ODAD4: variants seen among roughly 807,000 people sequenced by gnomAD.
ODAD4 encodes outer dynein arm docking complex subunit 4.
A neutral mutation model predicts 51.8 loss-of-function variants in ODAD4; 49 were observed. The observed-to-expected ratio is 0.95, with a 90% CI of 0.75 to 1.20. ODAD4 has a LOEUF of 1.20. Ranked by LOEUF, ODAD4 falls within the 50% of genes most tolerant of loss-of-function variation. The pLI is 0.00. For missense variants in ODAD4, 590 were observed against 586.5 expected (o/e 1.01, Z -0.06); for synonymous variants, 235 against 221.3 (o/e 1.06, Z -0.55).
intron 11 of ODAD4, among the ~76,000 whole-genome samples, chr17:41,961,695 T>A (rs1359593234): frequency 6.6e-6 from 1 of 152,138 alleles, no homozygotes; most frequent in Non-Finnish European, 1.5e-5. Flanking sequence ...CGCACTCATT[T>A]CTCTCTTCAA....
At chr17:41,934,043 T>TC (rs1189011053) in intron 1 of ODAD4, among the ~76,000 whole-genome samples, 1 of 119,922 alleles carries the variant, frequency 8.3e-6, no homozygotes. Context: ...TCTTTCTTTT[T>TC]TTTTTTTTTT....
rs374821213 is a variant in ODAD4, at chr17:41,938,516, G to C, written c.626-41G>C. On this transcript the variant is annotated intron_variant, in intron 5 of 11. Coordinates refer to ENST00000377540, the MANE Select transcript of ODAD4 (RefSeq NM_031421.5). ...GAAACAGGAGGCAAATCCCTTAGAGGCCTGTTCTCCTTGGCGCCTCCTCAC... is the reference window on the plus strand; with the variant it reads ...GAAACAGGAGGCAAATCCCTTAGAGCCCTGTTCTCCTTGGCGCCTCCTCAC... The C allele has an allele frequency of 5.1e-6, 8 of 1,555,674 alleles. No individual in the cohort carries two copies. The South Asian group carries it at 7.9e-5, about 15-fold the overall frequency.
chr17:41,944,425 C>A (rs1303707400), intron 7 of ODAD4, among the ~76,000 whole-genome samples: 2 of 8,428 alleles, frequency 2.4e-4, no homozygotes, highest in African/African-American at 3.6e-4. Context: ...CACACACACA[C>A]ACACACACAC....
At chr17:41,934,038 C>CTTTTTTTTTTTTTTTTTTTTTTTTTT (rs782039270) in intron 1 of ODAD4, among the ~76,000 whole-genome samples, 11 of 65,496 alleles carry the variant, frequency 1.7e-4, no homozygotes, top group Admixed American at 5.1e-4. Flanking sequence ...TTCTTTCTTT[C>CTTTTTTTTTTTTTTTTTTTTTTTTTT]TTTTTTTTTT....
In ODAD4 at chr17:41,953,668, T is replaced by TATATAG. The variant is rs71155199; in HGVS notation, c.1343-1548_1343-1547insTATAGA. On this transcript the variant is annotated intron_variant, in intron 9 of 11. Transcript: ENST00000377540. ...ATTAATTTAATTATATATATATATA[T>TATATAG]AGAGAGAGAGAGAGAGAGAGACAGG... is the stretch of plus-strand genomic sequence containing the variant. 4.5e-4 allele frequency among the ~76,000 whole-genome samples: 66 copies of TATATAG among 145,108 alleles called. 1 individual carries two copies. The highest frequency in any genetic ancestry group is 2.2e-3 in the South Asian group (10 of 4,466).
At chr17:41,938,943 C>CA in intron 6 of ODAD4, 22 bp from the exon 7 acceptor site, 1 of 1,602,412 alleles carries the variant, frequency 6.2e-7, no homozygotes, top group Non-Finnish European at 8.5e-7. Context: ...CTGGCCTCCA[C>CA]AGCACCCCTT....
At position 41,953,668 on chromosome 17, in the gene ODAD4, T is replaced by TAGAGAG. The variant is rs781894882; in HGVS notation, c.1343-1533_1343-1528dup. Among the ~76,000 whole-genome samples, 66 of 145,114 alleles carry TAGAGAG rather than the reference T, an allele frequency of 4.5e-4. 1 individual carries two copies. The South Asian group carries it at 0.013, about 28-fold the overall frequency. The stretch of plus-strand genomic sequence containing the variant: ...ATTAATTTAATTATATATATATATA[T>TAGAGAG]AGAGAGAGAGAGAGAGAGAGACAGG... On this transcript the variant is annotated intron_variant, in intron 9 of 11. Transcript: ENST00000377540.
At position 41,955,285 on chromosome 17, in the gene ODAD4, C is replaced by T. The variant is rs1555640837; in HGVS notation, c.1411C>T (p.His471Tyr). The change falls in exon 10 of 12, where the codon CAT becomes TAT. Residue 471 changes from histidine (H) to tyrosine (Y), a missense_variant. His to Tyr is a moderately conservative substitution (Grantham distance 83). This residue lies in a region of ODAD4 where 226 missense variants were observed against 162.7 expected (regional missense o/e 1.39). Coordinates refer to ENST00000377540, the MANE Select transcript of ODAD4 (RefSeq NM_031421.5). The part of the protein sequence containing the change: ...EKALERAKLV[H>Y]NNEAQQAIIS... ...GGCCCTGGAGAGAGCAAAGCTTGTGCATAACAACGAGGCGCAGCAGGCCAT... is the reference window on the plus strand; with the variant it reads ...GGCCCTGGAGAGAGCAAAGCTTGTGTATAACAACGAGGCGCAGCAGGCCAT... 2 of 779,834 alleles carry T rather than the reference C, an allele frequency of 2.6e-6. No homozygotes were observed. Among genetic ancestry groups the T allele is most frequent in the Non-Finnish European group, 4.8e-6 (2 of 417,640 alleles). The allele number at this position is 779,834 out of a possible 1,614,324, so 48.3% of individuals were successfully genotyped here. A position where few individuals can be genotyped will look rare whatever the true frequency, so the allele number is the denominator to read the frequency against.
rs891499787 is a variant in ODAD4, at chr17:41,946,232, G to A, written c.1145+1010G>A. Among the ~76,000 whole-genome samples the A allele has an allele frequency of 2.0e-5, 3 of 152,314 alleles. No homozygotes were observed. The South Asian group carries it at 6.2e-4, about 32-fold the overall frequency. Reference sequence around the variant, plus strand: ...ATGCCTGGGAAGTTGCTTCTCCCTGGCACCTACATTCAGTTAACACTTTAG... The same window carrying A: ...ATGCCTGGGAAGTTGCTTCTCCCTGACACCTACATTCAGTTAACACTTTAG... On this transcript the variant is annotated intron_variant, in intron 8 of 11. Coordinates refer to ENST00000377540, the MANE Select transcript of ODAD4 (RefSeq NM_031421.5).
In ODAD4 at chr17:41,939,012, G is replaced by A; in HGVS notation, c.898G>A (p.Val300Met). ...AEGSLQKAEK[V>M]LKKVLEWNKE... ...AGGGAGTCTTCAGAAAGCTGAGAAAGTGCTGAAGAAGGTACTGGAATGGAA... is the reference window on the plus strand; with the variant it reads ...AGGGAGTCTTCAGAAAGCTGAGAAAATGCTGAAGAAGGTACTGGAATGGAA... Residue 300 changes from valine to methionine, a missense_variant, in exon 7 of 12, where the codon GTG becomes ATG. Physicochemically the swap from Val to Met is conservative, Grantham distance 21. This residue lies in a region of ODAD4 where 360 missense variants were observed against 407.5 expected (regional missense o/e 0.88). Coordinates refer to ENST00000377540, the MANE Select transcript of ODAD4 (RefSeq NM_031421.5). The A allele has an allele frequency of 6.2e-7, 1 of 1,613,032 alleles. No individual in the cohort carries two copies. Among genetic ancestry groups the A allele is most frequent in the Non-Finnish European group, 8.5e-7 (1 of 1,179,434 alleles).
At position 41,940,155 on chromosome 17, in the gene ODAD4, C is replaced by A. The variant is rs913987086; in HGVS notation, c.1058+983C>A. 2.0e-5 allele frequency among the ~76,000 whole-genome samples: 3 copies of A among 152,146 alleles called. No individual in the cohort carries two copies. The South Asian group carries it at 6.2e-4, about 31-fold the overall frequency. ...TTTCTACCCATCTCACCAGTCTGAG[C>A]CTCCTTGATCTCCCATCATCCCATT... On this transcript the variant is annotated intron_variant, in intron 7 of 11. Coordinates refer to ENST00000377540, the MANE Select transcript of ODAD4 (RefSeq NM_031421.5).
intron 9 of ODAD4, among the ~76,000 whole-genome samples, chr17:41,954,615 G>T (rs1169566377): frequency 6.6e-6 from 1 of 151,990 alleles, no homozygotes; most frequent in African/African-American, 2.4e-5. Flanking sequence ...ACTTTGGGAG[G>T]CCGAGGCAGG....
intron 9 of ODAD4, among the ~76,000 whole-genome samples, chr17:41,952,365 CAAAAAAAA>C (rs140105127): frequency 4.6e-5 from 4 of 87,238 alleles, no homozygotes; most frequent in African/African-American, 9.7e-5. Flanking sequence ...GACTCTGTAT[CAAAAAAAA>C]AAAAAAAAAA....
intron 7 of ODAD4, among the ~76,000 whole-genome samples, chr17:41,944,446 C>CACACA (rs1567933209): frequency 3.2e-3 from 15 of 4,742 alleles, no homozygotes; most frequent in Non-Finnish European, 5.2e-3. Context: ...ACACACACAC[C>CACACA]CCCCCGCATA....
At position 41,935,257 on chromosome 17, in the gene ODAD4, C is replaced by A. The variant is rs781860882; in HGVS notation, c.155C>A (p.Ala52Asp). Residue 52 changes from alanine to aspartate, a missense_variant, in exon 2 of 12, where the codon GCT becomes GAT. Around this residue, in one of 3 missense-constraint regions of ODAD4, gnomAD observed 360 missense variants for 407.5 expected, o/e 0.88. Transcript: ENST00000377540. ...LQDGDKNCLV[A>D]RSKCFLKMGD... Reference sequence around the variant, plus strand: ...GATGGAGACAAGAACTGCCTGGTTGCTCGCTCAAAGTGCTTCCTGAAGATG... The same window carrying A: ...GATGGAGACAAGAACTGCCTGGTTGATCGCTCAAAGTGCTTCCTGAAGATG... The A allele has an allele frequency of 3.7e-6, 6 of 1,614,022 alleles. No homozygotes were observed. Among genetic ancestry groups the A allele is most frequent in the South Asian group, 1.1e-5 (1 of 91,084 alleles).
At chr17:41,948,850 T>C (rs2050620028) in intron 8 of ODAD4, among the ~76,000 whole-genome samples, 1 of 152,078 alleles carries the variant, frequency 6.6e-6, no homozygotes, top group Non-Finnish European at 1.5e-5. Context: ...CCAGCTTGTC[T>C]AGGCTGATCT....
At position 41,955,269 on chromosome 17, in the gene ODAD4, G is replaced by C; in HGVS notation, c.1395G>C (p.Glu465Asp). The C allele has an allele frequency of 2.6e-6, 2 of 780,212 alleles. No homozygotes were observed. The highest frequency in any genetic ancestry group is 4.8e-6 in the Non-Finnish European group (2 of 417,760). 48.3% of individuals were successfully genotyped at this position (780,212 alleles called of 1,614,324 possible). A position where few individuals can be genotyped will look rare whatever the true frequency, so the allele number is the denominator to read the frequency against. Residue 465 changes from glutamate to aspartate, a missense_variant, in exon 10 of 12, where the codon GAG becomes GAC. Glu to Asp is a conservative substitution (Grantham distance 45). Coordinates refer to ENST00000377540, the MANE Select transcript of ODAD4 (RefSeq NM_031421.5). ...TGAACAATTTTGAGAAGGCCCTGGAGAGAGCAAAGCTTGTGCATAACAACG... is the reference window on the plus strand; with the variant it reads ...TGAACAATTTTGAGAAGGCCCTGGACAGAGCAAAGCTTGTGCATAACAACG... Reference protein sequence around the residue: ...SAVNNFEKALERAKLVHNNEA... With the variant: ...SAVNNFEKALDRAKLVHNNEA...
chr17:41,936,347 T>C, intron 3 of ODAD4, 126 bp from the exon 4 acceptor site: 1 of 699,800 alleles, frequency 1.4e-6, no homozygotes, highest in Non-Finnish European at 2.5e-6. Flanking sequence ...CTAGGCTGGC[T>C]TAGGGCCAGC....
chr17:41,947,974 C>G (rs1411301148), intron 8 of ODAD4, among the ~76,000 whole-genome samples: 2 of 151,488 alleles, frequency 1.3e-5, no homozygotes, highest in Non-Finnish European at 2.9e-5. Flanking sequence ...CAAAATTGGC[C>G]AGGTGTGGTG....
Sources: allele counts gnomAD v4.1 joint callset (sites outside exome capture counted in the v4.1 genomes callset), GRCh38; gene constraint gnomAD v4.1.1; regional missense constraint gnomAD v4.1.1; transcripts MANE v1.5; gene names NCBI Gene and HGNC (gene_info 2026-07-23, HGNC 2026-07-21).